The following KNOP1 variants were observed in gnomAD, a reference collection of about 807,000 sequenced individuals.
KNOP1 encodes the protein lysine rich nucleolar protein 1.
KNOP1 carries 20 observed loss-of-function variants against 30.6 expected under a neutral mutation model. The ratio of observed to expected loss-of-function variants is 0.65; its 90% CI spans 0.46 to 0.95. The LOEUF (loss-of-function observed/expected upper bound fraction) is 0.95. Ranked by LOEUF, KNOP1 falls within the 40% of genes least tolerant of loss-of-function variation. KNOP1 has a pLI of 0.00. For synonymous variants in KNOP1, 204 were observed against 210.0 expected (o/e 0.97, Z 0.25); for missense variants, 540 against 562.0 (o/e 0.96, Z 0.40).
intron 4 of KNOP1, among the ~76,000 whole-genome samples, chr16:19,709,647 C>T (rs933927843): frequency 6.6e-6 from 1 of 152,196 alleles, no homozygotes. Flanking sequence ...ACTCCAGGCC[C>T]TTTCCTACCT....
intron 3 of KNOP1, among the ~76,000 whole-genome samples, chr16:19,710,794 T>A (rs1976673946): frequency 6.6e-6 from 1 of 152,028 alleles, no homozygotes; most frequent in African/African-American, 2.4e-5. Flanking sequence ...GCAGGCTCAT[T>A]TATCCTCTTT....
At chr16:19,717,284 G>A (rs983848699) in intron 1 of KNOP1, 9 of 982,050 alleles carry the variant, frequency 9.2e-6, no homozygotes, top group East Asian at 1.1e-4. Flanking sequence ...GGGGGAGGGG[G>A]ACTATTGTAT....
chr16:19,715,151 A>G, intron 1 of KNOP1, 114 bp from the exon 2 acceptor site: 1 of 698,650 alleles, frequency 1.4e-6, no homozygotes. Flanking sequence ...GTTGTGGGAC[A>G]GGGAAAATGG....
chr16:19,706,803 G>A lies in KNOP1; in HGVS notation c.*107C>T. The stretch of plus-strand genomic sequence containing the variant: ...GAGTTATTTATATCTTACTGCTCGA[G>A]GTCCTCACCAAGATCTGATTTTTTC... On this transcript the variant is annotated 3_prime_UTR_variant, in exon 5 of 5. Transcript: ENST00000219837. 8.8e-7 allele frequency: 1 copy of A among 1,138,074 alleles called. No homozygotes were observed. Among genetic ancestry groups the A allele is most frequent in the African/African-American group, 1.6e-5 (1 of 63,934 alleles). 70.5% of individuals were successfully genotyped at this position (1,138,074 alleles called of 1,614,324 possible). A position where few individuals can be genotyped will look rare whatever the true frequency, so the allele number is the denominator to read the frequency against.
chr16:19,707,035 G>A lies in KNOP1; in HGVS notation c.1252C>T (p.Arg418Trp), dbSNP rs763658901. The A allele has an allele frequency of 1.8e-5, 29 of 1,614,016 alleles. No individual in the cohort carries two copies. The highest frequency in any genetic ancestry group is 4.5e-5 in the East Asian group (2 of 44,890). ...AADSLQQNLQ[R>W]DYDRAMSWKY... ...CAGCTCATGGCCCGGTCGTAGTCCC[G>A]CTGCAGATTCTGCTGCAGGCTGTCA... Residue 418 changes from arginine to tryptophan, a missense_variant, in exon 5 of 5, where the codon CGG becomes TGG. Arg to Trp is a moderately radical substitution (Grantham distance 101). Transcript: ENST00000219837.
At chr16:19,707,997 A>G (rs1299702860) in intron 4 of KNOP1, among the ~76,000 whole-genome samples, 1 of 110,106 alleles carries the variant, frequency 9.1e-6, no homozygotes, top group Non-Finnish European at 1.9e-5. Flanking sequence ...TCACCCCACC[A>G]TGCATCTCAC....
intron 1 of KNOP1, chr16:19,717,286 C>G (rs1307299717): frequency 1.0e-6 from 1 of 983,632 alleles, no homozygotes; most frequent in Non-Finnish European, 1.2e-6. Flanking sequence ...GGGAGGGGGA[C>G]TATTGTATTG....
At chr16:19,711,146 G>A (rs917201466) in intron 3 of KNOP1, among the ~76,000 whole-genome samples, 4 of 152,234 alleles carry the variant, frequency 2.6e-5, no homozygotes, top group African/African-American at 7.2e-5. Flanking sequence ...ATGGCCAGTC[G>A]GGCCTCTCGG....
In KNOP1 at chr16:19,714,460, T is replaced by C. The variant is rs765384296; in HGVS notation, c.576A>G (p.Glu192=). 2 of 1,613,956 alleles carry C rather than the reference T, an allele frequency of 1.2e-6. No individual in the cohort carries two copies. Among genetic ancestry groups the C allele is most frequent in the African/African-American group, 1.3e-5 (1 of 74,906 alleles). ...DTCSVGKKDE[E]QAALGQKRKR... is the part of the protein sequence containing the mutation. The stretch of plus-strand genomic sequence containing the variant: ...TCCGTTTCTGCCCCAAGGCTGCCTG[T>C]TCCTCATCCTTCTTCCCCACTGAGC... Residue 192 remains glutamate (E), a synonymous_variant, in exon 2 of 5, where the codon GAA becomes GAG. Transcript: ENST00000219837.
rs962774606 is a variant in KNOP1 at position 19,715,583 on chromosome 16, A to AT, written c.-2-547dup. Among the ~76,000 whole-genome samples, 18 of 147,814 alleles carry AT rather than the reference A, an allele frequency of 1.2e-4. 1 individual carries two copies. Among genetic ancestry groups the AT allele is most frequent in the South Asian group, 4.3e-4 (2 of 4,618 alleles). ...AGGCACCCGTGATCATGCCCAGCTA[A>AT]TTTTTTTTTTCTTTTTTAGGAGGGA... On this transcript the variant is annotated intron_variant, in intron 1 of 4. Coordinates refer to ENST00000219837, the MANE Select transcript of KNOP1 (RefSeq NM_001012991.3).
In KNOP1 at chr16:19,705,291, G is replaced by A; in HGVS notation, c.*1619C>T. ...GGCCATCGAGGCCTGCCTGGGCTGG[G>A]ATGTCTGTAGGAGGCATGTTCAGGC... On this transcript the variant is annotated 3_prime_UTR_variant, in exon 5 of 5. Transcript: ENST00000219837. 1 of 455,906 alleles carries A rather than the reference G, an allele frequency of 2.2e-6. No homozygotes were observed. The allele number at this position is 455,906 out of a possible 1,614,324, so 28.2% of individuals were successfully genotyped here. A position where few individuals can be genotyped will look rare whatever the true frequency, so the allele number is the denominator to read the frequency against.
chr16:19,718,094 C>T (rs1305598845), intron 1 of KNOP1, 64 bp downstream of exon 1: 7 of 1,427,710 alleles, frequency 4.9e-6, no homozygotes, highest in Non-Finnish European at 3.6e-6. Flanking sequence ...CCCCGCCGCG[C>T]ACTTCCTCTG....
chr16:19,717,848 T>TC (rs1302549047), intron 1 of KNOP1: 2 of 1,042,114 alleles, frequency 1.9e-6, no homozygotes, highest in Non-Finnish European at 2.3e-6. Flanking sequence ...AACACCCCAC[T>TC]CCCCCGGCAG....
chr16:19,714,151 TTTCCTC>T lies in KNOP1; in HGVS notation c.879_884del (p.Arg294_Lys295del). The T allele has an allele frequency of 6.2e-7, 1 of 1,613,016 alleles. No homozygotes were observed. Among genetic ancestry groups the T allele is most frequent in the African/African-American group, 1.3e-5 (1 of 74,786 alleles). On this transcript the variant is annotated inframe_deletion, in exon 2 of 5. Transcript: ENST00000219837. ...AAGGGTCTCCTGCTACCCCACTCTC[TTTCCTC>T]TTCTTCTTTTTCTTCCTTTTCAGAG... is the stretch of plus-strand genomic sequence containing the variant.
In KNOP1 at chr16:19,711,384, C is replaced by A; in HGVS notation, c.975G>T (p.Ala325=). The change falls in exon 3 of 5, where the codon GCG becomes GCT. Residue 325 remains alanine, a synonymous_variant. Transcript: ENST00000219837. Reference sequence around the variant, plus strand: ...GTCTGGGCTGTACCTGGTCTATGTGCGCCTCATCCATGTTGCCTTTTTTTT... The same window carrying A: ...GTCTGGGCTGTACCTGGTCTATGTGAGCCTCATCCATGTTGCCTTTTTTTT... ...VLEKKGNMDE[A]HIDQVRRKAL... The A allele has an allele frequency of 6.2e-7, 1 of 1,614,034 alleles. No individual in the cohort carries two copies. The highest frequency in any genetic ancestry group is 8.5e-7 in the Non-Finnish European group (1 of 1,180,008).
chr16:19,711,660 G>A (rs952451093), intron 2 of KNOP1: 9 of 567,430 alleles, frequency 1.6e-5, no homozygotes, highest in South Asian at 6.2e-5. Flanking sequence ...ACTATTTGAC[G>A]GATGAAGAAA....
intron 2 of KNOP1, among the ~76,000 whole-genome samples, chr16:19,712,406 G>T (rs546843231): frequency 1.2e-4 from 19 of 152,242 alleles, no homozygotes; most frequent in African/African-American, 4.3e-4. Context: ...GCTCGGAAGA[G>T]AATCTGGGGT....
intron 2 of KNOP1, among the ~76,000 whole-genome samples, chr16:19,713,084 G>A (rs1023421968): frequency 1.1e-4 from 17 of 151,658 alleles, no homozygotes; most frequent in Admixed American, 8.5e-4. Context: ...ACTGATACCC[G>A]CCCTGTCCTT....
chr16:19,709,518 C>G (rs182839602), intron 4 of KNOP1, among the ~76,000 whole-genome samples: 12 of 152,236 alleles, frequency 7.9e-5, no homozygotes, highest in African/African-American at 2.9e-4. Flanking sequence ...GCCAATCCCA[C>G]TTAGCCAGAT....
Sources: allele counts gnomAD v4.1 joint callset (sites outside exome capture counted in the v4.1 genomes callset), GRCh38; gene constraint gnomAD v4.1.1; transcripts MANE v1.5; gene names NCBI Gene and HGNC (gene_info 2026-07-23, HGNC 2026-07-21).